Variants in HYAL4 observed in about 807,000 individuals in gnomAD.
HYAL4 encodes the protein hyaluronidase 4, also known as hyaluronidase-4.
In HYAL4, 37 loss-of-function variants were observed where a neutral mutation model predicts 35.2. That is an observed-to-expected ratio of 1.05 (90% CI 0.81 to 1.38). The LOEUF (loss-of-function observed/expected upper bound fraction) is 1.38. HYAL4 is among the 40% of genes most tolerant of loss of function. The probability of loss-of-function intolerance (pLI) is 0.00; values close to 1 mark genes in which losing one functional copy is unlikely to be tolerated. For synonymous variants in HYAL4, 198 were observed against 203.2 expected (o/e 0.97, Z 0.22); for missense variants, 572 against 572.4 (o/e 1.00, Z 0.01).
At chr7:123,774,810 A>G in the HYAL4 span, among the ~76,000 whole-genome samples, 1 of 152,284 alleles carries the variant, frequency 6.6e-6, no homozygotes, top group South Asian at 2.1e-4. Context: ...TTATGTCGAT[A>G]TACTTTATCT....
intron 1 of HYAL4, among the ~76,000 whole-genome samples, chr7:123,829,936 G>A (rs945577484): frequency 6.6e-6 from 1 of 152,194 alleles, no homozygotes; most frequent in Admixed American, 6.5e-5. Flanking sequence ...TAGGGAGTGT[G>A]AGAGAACACT....
chr7:123,870,295 A>C (rs976316710), intron 3 of HYAL4, among the ~76,000 whole-genome samples: 2 of 152,216 alleles, frequency 1.3e-5, no homozygotes, highest in African/African-American at 4.8e-5. Flanking sequence ...CAGAGGGAGA[A>C]ATGATGCATG....
the HYAL4 span, among the ~76,000 whole-genome samples, chr7:123,785,734 C>CT: frequency 2.0e-5 from 3 of 152,158 alleles, no homozygotes; most frequent in East Asian, 3.9e-4. This position sits in a 1 kb window ranked among gnomAD's most constrained non-coding sequence, Gnocchi z 4.5. Flanking sequence ...CCTTTTGCTT[C>CT]TTTAAGTTCT....
the HYAL4 span, among the ~76,000 whole-genome samples, chr7:123,821,348 C>A: frequency 1.3e-5 from 2 of 152,122 alleles, no homozygotes; most frequent in Non-Finnish European, 2.9e-5. Context: ...AATACCCATC[C>A]TAACAGGTGT....
At chr7:123,790,500 A>G in the HYAL4 span, 3 of 151,344 alleles carry the variant, frequency 2.0e-5, no homozygotes, top group Non-Finnish European at 2.9e-5. Flanking sequence ...TATAGCATTC[A>G]TTATCTGTAA....
chr7:123,849,729 T>G (rs1562996290), intron 2 of HYAL4, among the ~76,000 whole-genome samples: 1 of 152,092 alleles, frequency 6.6e-6, no homozygotes, highest in Non-Finnish European at 1.5e-5. Flanking sequence ...CTGCAGGGTA[T>G]GGTGGAGCGT....
chr7:123,873,481 G>A (rs897948392), intron 3 of HYAL4, among the ~76,000 whole-genome samples: 1 of 148,656 alleles, frequency 6.7e-6, no homozygotes, highest in African/African-American at 2.5e-5. Context: ...GTCAGATAAA[G>A]AGACTTATCT....
chr7:123,822,819 G>A, the HYAL4 span, among the ~76,000 whole-genome samples: 551 of 152,262 alleles, frequency 3.6e-3, 4 homozygotes, highest in African/African-American at 0.013. Flanking sequence ...GAAAAAACTA[G>A]CCAGGTGTGT....
At chr7:123,799,041 C>T in the HYAL4 span, among the ~76,000 whole-genome samples, 1 of 152,136 alleles carries the variant, frequency 6.6e-6, no homozygotes, top group Non-Finnish European at 1.5e-5. Flanking sequence ...TGCAACTAGA[C>T]TGAAGGGGGC....
At chr7:123,784,427 C>G in the HYAL4 span, among the ~76,000 whole-genome samples, 16 of 152,122 alleles carry the variant, frequency 1.1e-4, no homozygotes, top group Non-Finnish European at 2.2e-4. Context: ...ACTTAATGAC[C>G]AGCCAAAGGA....
At chr7:123,817,037 C>T in the HYAL4 span, among the ~76,000 whole-genome samples, 2 of 152,162 alleles carry the variant, frequency 1.3e-5, no homozygotes, top group South Asian at 2.1e-4. Context: ...CTTCCTATAA[C>T]GCAGGAAAGC....
At chr7:123,770,260 G>A in the HYAL4 span, among the ~76,000 whole-genome samples, 1 of 151,890 alleles carries the variant, frequency 6.6e-6, no homozygotes, top group Non-Finnish European at 1.5e-5. Context: ...GGCTAACACC[G>A]TGAAATCCCG....
chr7:123,851,109 T>A (rs1806295280), intron 2 of HYAL4, among the ~76,000 whole-genome samples: 1 of 152,238 alleles, frequency 6.6e-6, no homozygotes, highest in Non-Finnish European at 1.5e-5. Context: ...CAACTTACTT[T>A]ACTAAGATCC....
intron 2 of HYAL4, among the ~76,000 whole-genome samples, chr7:123,860,278 C>T (rs534852034): frequency 1.3e-5 from 2 of 152,258 alleles, no homozygotes; most frequent in African/African-American, 4.8e-5. Flanking sequence ...TTATAAATTA[C>T]CCAGTCTCAG....
At chr7:123,805,191 GTCTTC>G in the HYAL4 span, among the ~76,000 whole-genome samples, 1 of 152,134 alleles carries the variant, frequency 6.6e-6, no homozygotes, top group Non-Finnish European at 1.5e-5. Context: ...ATCTTCTTTT[GTCTTC>G]TCTTCAATTA....
At chr7:123,774,513 A>C in the HYAL4 span, among the ~76,000 whole-genome samples, 1 of 151,892 alleles carries the variant, frequency 6.6e-6, no homozygotes, top group Non-Finnish European at 1.5e-5. Context: ...GATATCTACT[A>C]TAATTGGGAT....
At chr7:123,853,209 G>A (rs1806351819) in intron 2 of HYAL4, among the ~76,000 whole-genome samples, 1 of 152,074 alleles carries the variant, frequency 6.6e-6, no homozygotes, top group East Asian at 1.9e-4. Context: ...CTCTTCCTAT[G>A]TGAATGCTCT....
At chr7:123,841,562 G>T (rs954231705), upstream of HYAL4, among the ~76,000 whole-genome samples, 1 of 151,994 alleles carries the variant, frequency 6.6e-6, no homozygotes, top group Non-Finnish European at 1.5e-5. Context: ...GTTTCAGAAG[G>T]AATGGTACCA....
At chr7:123,830,345 A>G (rs1453841742) in intron 1 of HYAL4, among the ~76,000 whole-genome samples, 1 of 152,214 alleles carries the variant, frequency 6.6e-6, no homozygotes, top group Non-Finnish European at 1.5e-5. Flanking sequence ...AGTAACAGGT[A>G]CACCTGTAAG....
Sources: allele counts gnomAD v4.1 joint callset (sites outside exome capture counted in the v4.1 genomes callset), GRCh38; gene constraint gnomAD v4.1.1; non-coding constraint Gnocchi (gnomAD v3.1); transcripts MANE v1.5; gene names NCBI Gene and HGNC (gene_info 2026-07-23, HGNC 2026-07-21).